DGUOK: variants seen among roughly 807,000 people sequenced by gnomAD.
DGUOK encodes the protein deoxyguanosine kinase, mitochondrial.
DGUOK carries 30 observed loss-of-function variants against 36.6 expected under a neutral mutation model. The ratio of observed to expected loss-of-function variants is 0.82; its 90% CI spans 0.61 to 1.11. The LOEUF is 1.11. Ranked by LOEUF, DGUOK falls within the 50% of genes most tolerant of loss-of-function variation. The pLI, the probability that DGUOK is intolerant of heterozygous loss-of-function variation, is 0.00. For missense variants in DGUOK, 361 were observed against 336.4 expected (o/e 1.07, Z -0.57); for synonymous variants, 145 against 126.3 (o/e 1.15, Z -0.99).
At chr2:73,932,653 G>A in intron 1 of DGUOK, 7 of 1,294,832 alleles carry the variant, frequency 5.4e-6, no homozygotes, top group South Asian at 2.5e-5. Context: ...CCTGAACAGG[G>A]AAGGTGAACC....
chr2:73,943,612 A>G (rs536172609), intron 2 of DGUOK, among the ~76,000 whole-genome samples: 1 of 151,732 alleles, frequency 6.6e-6, no homozygotes, highest in South Asian at 2.1e-4. Context: ...TTTGAGGGGA[A>G]TCATTATTGG....
intron 4 of DGUOK, among the ~76,000 whole-genome samples, chr2:73,955,433 T>A (rs1224728257): frequency 6.6e-6 from 1 of 152,220 alleles, no homozygotes; most frequent in East Asian, 1.9e-4. Context: ...ATATACCTTT[T>A]GATCATTAAT....
Position 73,951,226 on chromosome 2 carries a change from A to G in DGUOK, c.591+494A>G, listed in dbSNP as rs117450498. Reference sequence around the variant, plus strand: ...AGGCAGGATGGACTATAGCAGTTCCATTCTGTGACTCTCTGGCTGGTGCCA... The same window carrying G: ...AGGCAGGATGGACTATAGCAGTTCCGTTCTGTGACTCTCTGGCTGGTGCCA... On this transcript the variant is annotated intron_variant, in intron 4 of 6. Coordinates refer to ENST00000264093, the MANE Select transcript of DGUOK (RefSeq NM_080916.3). Among the ~76,000 whole-genome samples the G allele has an allele frequency of 8.2e-4, 125 of 152,312 alleles. 1 individual carries two copies. In the East Asian group the frequency reaches 0.021, roughly 26 times the overall value.
chr2:73,935,443 A>AAAAC (rs1292071900), intron 1 of DGUOK, among the ~76,000 whole-genome samples: 1 of 152,180 alleles, frequency 6.6e-6, no homozygotes, highest in African/African-American at 2.4e-5. Flanking sequence ...AACATTTGTC[A>AAAAC]AAACAAACAA....
intron 1 of DGUOK, among the ~76,000 whole-genome samples, chr2:73,928,006 C>A (rs950559994): frequency 6.6e-6 from 1 of 152,150 alleles, no homozygotes; most frequent in Non-Finnish European, 1.5e-5. Context: ...AATCTCTGCT[C>A]TCATGGAACT....
intron 1 of DGUOK, among the ~76,000 whole-genome samples, chr2:73,931,005 C>T (rs1054897118): frequency 1.3e-5 from 2 of 151,782 alleles, no homozygotes; most frequent in African/African-American, 4.8e-5. Context: ...ACCATGTTAG[C>T]CAGGATGGTC....
chr2:73,937,916 GC>G (rs1681591983), intron 1 of DGUOK, among the ~76,000 whole-genome samples: 2 of 152,154 alleles, frequency 1.3e-5, no homozygotes, highest in Non-Finnish European at 2.9e-5. Context: ...TTCTGCTTCA[GC>G]CCATTCTTAC....
At position 73,958,144 on chromosome 2, in the gene DGUOK, A is replaced by C; in HGVS notation, c.708-2A>C. 3.1e-6 allele frequency: 5 copies of C among 1,612,996 alleles called. No individual in the cohort carries two copies. Among genetic ancestry groups the C allele is most frequent in the Non-Finnish European group, 4.2e-6 (5 of 1,179,126 alleles). On this transcript the variant is annotated splice_acceptor_variant, in intron 5 of 6. Transcript: ENST00000264093. LOFTEE classifies it high-confidence loss of function. ...TCCCCCAAACGTTCACGCTTCTTAT[A>C]GGCTCCACTTTGAGGCTCTGATGAA...
intron 2 of DGUOK, among the ~76,000 whole-genome samples, chr2:73,939,599 C>G (rs1681744572): frequency 6.6e-6 from 1 of 152,226 alleles, no homozygotes; most frequent in Non-Finnish European, 1.5e-5. Context: ...TGGTTTCCAG[C>G]CACATCAGTC....
chr2:73,956,205 G>A (rs910027063), intron 4 of DGUOK, among the ~76,000 whole-genome samples: 2 of 152,218 alleles, frequency 1.3e-5, no homozygotes, highest in Admixed American at 1.3e-4. Flanking sequence ...ATAGAATTAT[G>A]TACACTCTGC....
At chr2:73,942,725 TC>T (rs1291293331) in intron 2 of DGUOK, among the ~76,000 whole-genome samples, 2 of 152,230 alleles carry the variant, frequency 1.3e-5, no homozygotes, top group Non-Finnish European at 2.9e-5. Flanking sequence ...GGGTAGAACT[TC>T]CAGAGCAATA....
At chr2:73,933,783 GCT>G (rs1681239695) in intron 1 of DGUOK, among the ~76,000 whole-genome samples, 1 of 152,104 alleles carries the variant, frequency 6.6e-6, no homozygotes, top group Non-Finnish European at 1.5e-5. Flanking sequence ...TTGAGGGCAA[GCT>G]CTCAGCCTAG....
intron 2 of DGUOK, among the ~76,000 whole-genome samples, chr2:73,942,635 T>A (rs1186430014): frequency 6.6e-6 from 1 of 152,228 alleles, no homozygotes; most frequent in Non-Finnish European, 1.5e-5. Context: ...TGGAAAATAA[T>A]AGTTGTCTCT....
At position 73,939,299 on chromosome 2, in the gene DGUOK, T is replaced by A. The variant is rs59485700; in HGVS notation, c.255+277T>A. ...CAACCATCATGGATGGCTTTGAAGA[T>A]GAATTTTGTCATTCCTACACTTAAG... On this transcript the variant is annotated intron_variant, in intron 2 of 6. Transcript: ENST00000264093. 0.073 allele frequency among the ~76,000 whole-genome samples: 11,169 copies of A among 152,282 alleles called. 538 individuals carry two copies. The highest frequency in any genetic ancestry group is 0.14 in the African/African-American group (5,707 of 41,548).
chr2:73,930,946 CCA>C (rs1471788985), intron 1 of DGUOK, among the ~76,000 whole-genome samples: 2 of 151,782 alleles, frequency 1.3e-5, no homozygotes, highest in Admixed American at 6.6e-5. Flanking sequence ...CAGGCGCCCG[CCA>C]CCATGCCCAG....
rs1010432423 is a variant in DGUOK, at chr2:73,942,632, T to C, written c.255+3610T>C. 4.6e-5 allele frequency among the ~76,000 whole-genome samples: 7 copies of C among 152,342 alleles called. No individual in the cohort carries two copies. In the East Asian group the frequency reaches 9.6e-4, roughly 21 times the overall value. The stretch of plus-strand genomic sequence containing the variant: ...TTTATTTGCTTGAAGTTTTGGAAAA[T>C]AATAGTTGTCTCTAAATAGTAATCA... On this transcript the variant is annotated intron_variant, in intron 2 of 6. Transcript: ENST00000264093.
intron 3 of DGUOK, among the ~76,000 whole-genome samples, chr2:73,949,671 A>C (rs1434519189): frequency 1.3e-5 from 2 of 152,220 alleles, no homozygotes; most frequent in Non-Finnish European, 2.9e-5. Flanking sequence ...GCCATCATAC[A>C]CAAGGGTTCT....
intron 1 of DGUOK, among the ~76,000 whole-genome samples, chr2:73,936,703 G>T (rs115645621): frequency 0.033 from 5,036 of 152,240 alleles, 203 homozygotes; most frequent in African/African-American, 0.098. Flanking sequence ...ACAAATGTAG[G>T]TTTCAGAGGG....
rs1301129716 is a variant in DGUOK at position 73,950,713 on chromosome 2, A to G, written c.572A>G (p.Tyr191Cys). 6.2e-7 allele frequency: 1 copy of G among 1,613,994 alleles called. No homozygotes were observed. The highest frequency in any genetic ancestry group is 8.5e-7 in the Non-Finnish European group (1 of 1,180,004). Residue 191 changes from tyrosine to cysteine, a missense_variant, in exon 4 of 7, where the codon TAC (tyrosine) becomes TGC (cysteine). Tyr to Cys is a radical substitution (Grantham distance 194, BLOSUM62 -2). Transcript: ENST00000264093. ...CGGATCACATTACATGGCTTCATCT[A>G]CCTCCAGGCTTCTCCCCAGGTAACA... ...ASRITLHGFIYLQASPQVCLK... is the reference protein window; with the variant it reads ...ASRITLHGFICLQASPQVCLK...
Sources: gnomAD v4.1 joint callset for allele counts (sites outside exome capture counted in the v4.1 genomes callset) on GRCh38, gnomAD v4.1.1 for gene constraint, MANE v1.5 for transcripts, NCBI Gene and HGNC (gene_info 2026-07-23, HGNC 2026-07-21) for gene names.